KCTD1: variants seen among roughly 807,000 people sequenced by gnomAD.
KCTD1 encodes the protein potassium channel tetramerization domain containing 1, also known as BTB/POZ domain-containing protein KCTD1.
Under a neutral mutation model 66.0 loss-of-function variants are expected in KCTD1, and 24 were observed. The ratio of observed to expected loss-of-function variants is 0.36; its 90% CI spans 0.26 to 0.51. The LOEUF (loss-of-function observed/expected upper bound fraction) is 0.51. Among genes scored for constraint, KCTD1 ranks in the 20% least tolerant of loss-of-function variants. KCTD1 has a pLI of 0.95. For missense variants in KCTD1, 943 were observed against 1,205.2 expected (o/e 0.78, Z 3.22); for synonymous variants, 511 against 517.2 (o/e 0.99, Z 0.16).
Position 26,548,018 on chromosome 18 carries a change from C to T in KCTD1, c.519G>A (p.Arg173=). ...TGCGCACGGCGTAGCGGGTGGCCAGCCGGGTGTTCTCGCTCAGCCGGGCCC... is the reference window on the plus strand; with the variant it reads ...TGCGCACGGCGTAGCGGGTGGCCAGTCGGGTGTTCTCGCTCAGCCGGGCCC... The part of the protein sequence containing the change: ...PERARLSENT[R]LATRYAVRIF... Residue 173 remains arginine, a synonymous_variant, in exon 1 of 5, where the codon CGG becomes CGA. Coordinates refer to ENST00000580059, the MANE Select transcript of KCTD1 (RefSeq NM_001142730.3). 1 of 1,527,622 alleles carries T rather than the reference C, an allele frequency of 6.5e-7. No homozygotes were observed. The highest frequency in any genetic ancestry group is 1.4e-5 in the African/African-American group (1 of 72,946). The allele number at this position is 1,527,622 out of a possible 1,614,324, so 94.6% of individuals were successfully genotyped here.
chr18:26,463,236 A>C (rs578084184), intron 3 of KCTD1, among the ~76,000 whole-genome samples: 7 of 152,292 alleles, frequency 4.6e-5, no homozygotes, highest in African/African-American at 1.7e-4. Flanking sequence ...CAGGAGGATT[A>C]CTTGAGGCCA....
chr18:26,568,811 A>G (rs1000191500), intron 1 of KCTD1, among the ~76,000 whole-genome samples: 2 of 152,246 alleles, frequency 1.3e-5, no homozygotes, highest in Non-Finnish European at 2.9e-5. Flanking sequence ...GAAGCTCAAC[A>G]AATTGCTCTG....
At chr18:26,538,402 G>A (rs957867665) in intron 1 of KCTD1, among the ~76,000 whole-genome samples, 12 of 152,180 alleles carry the variant, frequency 7.9e-5, no homozygotes, top group Middle Eastern at 3.4e-3. Context: ...GGCTTTTTTA[G>A]GTTAATTGTG....
chr18:26,607,421 G>T (rs576516258), intron 1 of KCTD1, among the ~76,000 whole-genome samples: 1 of 152,214 alleles, frequency 6.6e-6, no homozygotes, highest in African/African-American at 2.4e-5. Context: ...GGCTGAGCTA[G>T]CTGAGGGCAA....
At chr18:26,620,856 A>G (rs1374591377) in intron 1 of KCTD1, among the ~76,000 whole-genome samples, 2 of 139,542 alleles carry the variant, frequency 1.4e-5, no homozygotes, top group Non-Finnish European at 3.0e-5. Context: ...TTTTTGAGAC[A>G]GAGTCTCCCT....
intron 1 of KCTD1, among the ~76,000 whole-genome samples, chr18:26,512,318 G>C (rs1022517532): frequency 6.6e-6 from 1 of 151,914 alleles, no homozygotes; most frequent in Non-Finnish European, 1.5e-5. Context: ...GCCCAGGCTG[G>C]TCTCGAACTC....
At position 26,465,382 on chromosome 18, in the gene KCTD1, C is replaced by T. The variant is rs548774184; in HGVS notation, c.2134-5457G>A. Among the ~76,000 whole-genome samples, 23 of 152,338 alleles carry T rather than the reference C, an allele frequency of 1.5e-4. No homozygotes were observed. In the East Asian group the frequency reaches 4.2e-3, roughly 28 times the overall value. ...TACAGGTGTCAGCCACCGTGCCCGG[C>T]CCATTCTTTCTTTTCTTCAAAGCCT... is the stretch of plus-strand genomic sequence containing the variant. On this transcript the variant is annotated intron_variant, in intron 3 of 4. Coordinates refer to ENST00000580059, the MANE Select transcript of KCTD1 (RefSeq NM_001142730.3).
chr18:26,624,677 T>C (rs565255358), intron 1 of KCTD1, among the ~76,000 whole-genome samples: 4 of 152,302 alleles, frequency 2.6e-5, no homozygotes, highest in Non-Finnish European at 4.4e-5. Context: ...GAATTTCCAC[T>C]AGGGCAGTGT....
At position 26,468,544 on chromosome 18, in the gene KCTD1, T is replaced by C. The variant is rs1369087370; in HGVS notation, c.2133+7971A>G. The stretch of plus-strand genomic sequence containing the variant: ...GATTCTCTCCTCATGCAAAAAACCA[T>C]GTCCTGGCCGGGCGCGGTGGCTCAC... On this transcript the variant is annotated intron_variant, in intron 3 of 4. Transcript: ENST00000580059. The surrounding 1 kb of genome is among the most constrained non-coding windows in gnomAD (Gnocchi z 4.8). 6.6e-6 allele frequency among the ~76,000 whole-genome samples: 1 copy of C among 152,116 alleles called. No individual in the cohort carries two copies. The highest frequency in any genetic ancestry group is 2.4e-5 in the African/African-American group (1 of 41,428).
chr18:26,517,565 G>A (rs1020333250), intron 1 of KCTD1, among the ~76,000 whole-genome samples: 1 of 149,078 alleles, frequency 6.7e-6, no homozygotes. Flanking sequence ...GCTGAGGCAG[G>A]AGAACTGCTT....
At chr18:26,549,317 A>G (rs1332943042), upstream of KCTD1, 3 of 984,890 alleles carry the variant, frequency 3.0e-6, no homozygotes, top group Admixed American at 6.2e-5. Context: ...CTTGCAAAGG[A>G]GCGAAACACG....
chr18:26,575,818 C>T (rs1188666430), intron 1 of KCTD1, among the ~76,000 whole-genome samples: 2 of 152,172 alleles, frequency 1.3e-5, no homozygotes, highest in Non-Finnish European at 2.9e-5. Context: ...TCCCTAAAGC[C>T]TCATTGAAAG....
At chr18:26,554,234 A>C (rs989746790) in intron 1 of KCTD1, among the ~76,000 whole-genome samples, 9 of 150,542 alleles carry the variant, frequency 6.0e-5, no homozygotes. Flanking sequence ...AAAGAAAGAA[A>C]AGACGAAAGA....
chr18:26,566,453 T>C (rs1679852797), intron 1 of KCTD1: 1 of 152,236 alleles, frequency 6.6e-6, no homozygotes, highest in African/African-American at 2.4e-5. Context: ...TGTCCTGAAA[T>C]AAACTGACAG....
intron 1 of KCTD1, among the ~76,000 whole-genome samples, chr18:26,518,112 G>A (rs1424797046): frequency 6.6e-6 from 1 of 152,192 alleles, no homozygotes; most frequent in Non-Finnish European, 1.5e-5. Flanking sequence ...CAGTAGGCAC[G>A]AAATAAACAT....
Position 26,459,399 on chromosome 18 carries a change from A to ATATC in KCTD1, c.2439+217_2439+220dup, listed in dbSNP as rs527796733. Reference sequence around the variant, plus strand: ...CCACCGTGCCCAGCTGTCGTGTTCTATATCTGTCTCTTCTGTATCTCCAGT... The same window carrying ATATC: ...CCACCGTGCCCAGCTGTCGTGTTCTATATCTATCTGTCTCTTCTGTATCTCCAGT... On this transcript the variant is annotated intron_variant, in intron 4 of 4. Transcript: ENST00000580059. 3.1e-3 allele frequency: 1,597 copies of ATATC among 523,166 alleles called. 5 individuals are homozygous for ATATC. Among genetic ancestry groups the ATATC allele is most frequent in the Admixed American group, 7.0e-3 (191 of 27,298 alleles). 32.4% of individuals were successfully genotyped at this position (523,166 alleles called of 1,614,324 possible).
rs538933601 is a variant in KCTD1 at position 26,527,557 on chromosome 18, T to G, written c.1809+19171A>C. 6.6e-5 allele frequency among the ~76,000 whole-genome samples: 10 copies of G among 152,016 alleles called. No homozygotes were observed. In the East Asian group the frequency reaches 1.6e-3, roughly 24 times the overall value. On this transcript the variant is annotated intron_variant, in intron 1 of 4. Transcript: ENST00000580059. The stretch of plus-strand genomic sequence containing the variant: ...AGGACTTTTAGGGCAGTAAAACTAT[T>G]CTATACGATACCATAATGGCAGAGA...
intron 1 of KCTD1, among the ~76,000 whole-genome samples, chr18:26,656,200 G>C (rs1182295164): frequency 6.6e-6 from 1 of 152,182 alleles, no homozygotes; most frequent in Non-Finnish European, 1.5e-5. Context: ...GCCGCCAGGA[G>C]GGGAGGGAAG....
intron 1 of KCTD1, among the ~76,000 whole-genome samples, chr18:26,656,557 G>A (rs1411417898): frequency 6.7e-6 from 1 of 150,228 alleles, no homozygotes; most frequent in Admixed American, 6.6e-5. Context: ...GAAGAGCGCC[G>A]GGCACCGGCC....
Sources: allele counts gnomAD v4.1 joint callset (sites outside exome capture counted in the v4.1 genomes callset), GRCh38; gene constraint gnomAD v4.1.1; non-coding constraint Gnocchi (gnomAD v3.1); transcripts MANE v1.5; gene names NCBI Gene and HGNC (gene_info 2026-07-23, HGNC 2026-07-21).